IL20RB: variants seen among roughly 807,000 people sequenced by gnomAD.
The protein encoded by IL20RB is interleukin-20 receptor subunit beta.
A neutral mutation model predicts 33.3 loss-of-function variants in IL20RB; 21 were observed. That is an observed-to-expected ratio of 0.63 (90% CI 0.45 to 0.91). The LOEUF is 0.91. Ranked by LOEUF, IL20RB falls within the 40% of genes least tolerant of loss-of-function variation. The pLI is 0.00. For missense variants in IL20RB, 345 were observed against 384.8 expected (o/e 0.90, Z 0.86); for synonymous variants, 147 against 146.8 (o/e 1.00, Z -0.01).
intron 3 of IL20RB, among the ~76,000 whole-genome samples, chr3:136,984,261 G>A (rs1327606750): frequency 2.6e-5 from 4 of 152,124 alleles, no homozygotes; most frequent in Non-Finnish European, 5.9e-5. Context: ...TGGAGGGAAG[G>A]GCACCAGGGT....
At chr3:136,958,248 G>C in intron 1 of IL20RB, 47 bp downstream of exon 1, 1 of 1,157,604 alleles carries the variant, frequency 8.6e-7, no homozygotes. Flanking sequence ...CTTGAATATA[G>C]GTTAAGAAGG....
chr3:136,980,273 G>A (rs1215511766), intron 1 of IL20RB, 193 bp from the exon 2 acceptor site: 3 of 598,198 alleles, frequency 5.0e-6, no homozygotes, highest in Non-Finnish European at 8.7e-6. Flanking sequence ...GTTGTTTCTG[G>A]TTTATAAACA....
Position 136,982,284 on chromosome 3 carries a change from A to C in IL20RB, c.340A>C (p.Arg114=). Residue 114 remains arginine, a synonymous_variant, in exon 3 of 7, where the codon AGG becomes CGG. Coordinates refer to ENST00000329582, the MANE Select transcript of IL20RB (RefSeq NM_144717.4). ...TATVPYNLRV[R]ATLGSQTSAW... ...CACTGTGCCATACAACCTTCGTGTC[A>C]GGGCCACATTGGGCTCACAGACCTC... 1 of 1,610,992 alleles carries C rather than the reference A, an allele frequency of 6.2e-7. No individual in the cohort carries two copies. The highest frequency in any genetic ancestry group is 2.2e-5 in the East Asian group (1 of 44,750).
At chr3:136,993,133 CAGA>C (rs1402820068) in intron 5 of IL20RB, among the ~76,000 whole-genome samples, 4 of 152,288 alleles carry the variant, frequency 2.6e-5, no homozygotes, top group African/African-American at 9.6e-5. Flanking sequence ...GAGGCTGAGG[CAGA>C]AGGATTGCTT....
chr3:136,976,553 C>T (rs1026337488), intron 1 of IL20RB, among the ~76,000 whole-genome samples: 5 of 152,322 alleles, frequency 3.3e-5, no homozygotes, highest in Non-Finnish European at 5.9e-5. Flanking sequence ...GTCCCAGTGG[C>T]AACTTGTGCC....
intron 1 of IL20RB, among the ~76,000 whole-genome samples, chr3:136,972,745 T>TAA (rs1560067145): frequency 4.6e-5 from 7 of 151,130 alleles, no homozygotes; most frequent in South Asian, 2.1e-4. Context: ...AAGAAAAATT[T>TAA]TTTTTTTTCA....
intron 1 of IL20RB, among the ~76,000 whole-genome samples, chr3:136,976,001 G>A (rs1941607751): frequency 6.6e-6 from 1 of 152,192 alleles, no homozygotes; most frequent in Admixed American, 6.5e-5. Context: ...AATTATCTGG[G>A]TTCCGAGAGT....
chr3:136,987,330 G>T (rs1196346543), intron 3 of IL20RB, among the ~76,000 whole-genome samples: 1 of 152,068 alleles, frequency 6.6e-6, no homozygotes, highest in Non-Finnish European at 1.5e-5. Context: ...GTTCTCCAAG[G>T]CCCCACCAGA....
intron 1 of IL20RB, among the ~76,000 whole-genome samples, chr3:136,980,118 CA>C (rs1941730668): frequency 6.6e-6 from 1 of 152,072 alleles, no homozygotes; most frequent in Admixed American, 6.5e-5. Flanking sequence ...AACAATCCAG[CA>C]CATGGTCTAG....
intron 1 of IL20RB, among the ~76,000 whole-genome samples, chr3:136,976,435 C>G (rs1047033979): frequency 5.9e-5 from 9 of 152,334 alleles, no homozygotes; most frequent in African/African-American, 1.9e-4. Flanking sequence ...GCACCTGTCT[C>G]ATGCTTCACA....
At chr3:137,003,801 A>G (rs938273805) in intron 6 of IL20RB, among the ~76,000 whole-genome samples, 5 of 152,164 alleles carry the variant, frequency 3.3e-5, no homozygotes, top group African/African-American at 1.2e-4. Flanking sequence ...TTCCAACACT[A>G]TGTTGAATAG....
At chr3:137,006,341 A>G (rs1359981365) in intron 6 of IL20RB, among the ~76,000 whole-genome samples, 5 of 152,116 alleles carry the variant, frequency 3.3e-5, no homozygotes, top group Admixed American at 6.5e-5. Context: ...GTTCTCCTGG[A>G]TAATATCCTG....
At chr3:136,986,191 C>T (rs569935348) in intron 3 of IL20RB, among the ~76,000 whole-genome samples, 39 of 150,198 alleles carry the variant, frequency 2.6e-4, no homozygotes, top group African/African-American at 8.1e-4. Flanking sequence ...CCAGCCTGGG[C>T]GACAGAGCGA....
intron 1 of IL20RB, among the ~76,000 whole-genome samples, chr3:136,963,167 C>T (rs1941270084): frequency 6.6e-6 from 1 of 152,112 alleles, no homozygotes; most frequent in Non-Finnish European, 1.5e-5. Context: ...TCTGTTTCCC[C>T]CTTCCATGGT....
chr3:136,998,911 C>T (rs76616884), intron 6 of IL20RB, among the ~76,000 whole-genome samples: 2,057 of 152,084 alleles, frequency 0.014, 39 homozygotes, highest in African/African-American at 0.047. Flanking sequence ...AACATCATTC[C>T]CCTATGTGAA....
intron 1 of IL20RB, among the ~76,000 whole-genome samples, chr3:136,967,358 T>C (rs1941380222): frequency 2.9e-5 from 2 of 69,768 alleles, no homozygotes; most frequent in Admixed American, 3.5e-4. Context: ...ACTCAGGACT[T>C]GCTTTATGAA....
intron 6 of IL20RB, among the ~76,000 whole-genome samples, chr3:136,999,487 C>T (rs550122834): frequency 1.2e-4 from 18 of 152,054 alleles, no homozygotes; most frequent in Non-Finnish European, 1.9e-4. Context: ...GATATCCTTC[C>T]GCCTTGGCCT....
chr3:136,986,864 C>T (rs1941912706), intron 3 of IL20RB: 1 of 414,742 alleles, frequency 2.4e-6, no homozygotes, highest in South Asian at 1.8e-5. Context: ...TTTCTTCCTT[C>T]TGGTGGGTTC....
intron 6 of IL20RB, among the ~76,000 whole-genome samples, chr3:137,004,418 T>C (rs748859497): frequency 6.6e-6 from 1 of 152,236 alleles, no homozygotes; most frequent in Non-Finnish European, 1.5e-5. Context: ...GTTGTTAGGC[T>C]ATTAATTATT....
Sources: gnomAD v4.1 joint callset for allele counts (sites outside exome capture counted in the v4.1 genomes callset) on GRCh38, gnomAD v4.1.1 for gene constraint, MANE v1.5 for transcripts, NCBI Gene and HGNC (gene_info 2026-07-23, HGNC 2026-07-21) for gene names.